The following DNAAF9 variants were observed in gnomAD, a reference collection of about 807,000 sequenced individuals.
DNAAF9 encodes shulin.
DNAAF9 carries 90 observed loss-of-function variants against 167.0 expected under a neutral mutation model. The ratio of observed to expected loss-of-function variants is 0.54; its 90% CI spans 0.45 to 0.64. DNAAF9 has a LOEUF of 0.64. Among genes scored for constraint, DNAAF9 ranks in the 30% least tolerant of loss-of-function variants. The pLI is 0.00. For missense variants in DNAAF9, 1,315 were observed against 1,442.2 expected (o/e 0.91, Z 1.43); for synonymous variants, 491 against 508.8 (o/e 0.96, Z 0.47).
chr20:3,252,742 G>A (rs1353048719), intron 36 of DNAAF9, 58 bp from the exon 37 acceptor site: 1 of 1,013,858 alleles, frequency 9.9e-7, no homozygotes, highest in Non-Finnish European at 1.6e-6. Context: ...GGCTGCCTGA[G>A]CCCAGAGCGG....
intron 35 of DNAAF9, among the ~76,000 whole-genome samples, chr20:3,254,357 G>A (rs1245012636): frequency 1.3e-5 from 2 of 152,142 alleles, no homozygotes; most frequent in African/African-American, 4.8e-5. Context: ...GGGATTACAG[G>A]CGTGAGCCAC....
At chr20:3,395,949 T>C (rs1003785443) in intron 1 of DNAAF9, among the ~76,000 whole-genome samples, 1 of 152,288 alleles carries the variant, frequency 6.6e-6, no homozygotes, top group South Asian at 2.1e-4. Flanking sequence ...TAGGAGGTAA[T>C]TGAATCATGG....
chr20:3,343,175 A>T (rs983508514), intron 9 of DNAAF9, among the ~76,000 whole-genome samples: 3 of 152,084 alleles, frequency 2.0e-5, no homozygotes, highest in Non-Finnish European at 4.4e-5. Flanking sequence ...TTATTTATTT[A>T]TTTAGAAACA....
chr20:3,330,464 A>T (rs2069804088), intron 12 of DNAAF9, among the ~76,000 whole-genome samples, 182 bp downstream of exon 12: 1 of 151,368 alleles, frequency 6.6e-6, no homozygotes, highest in Non-Finnish European at 1.5e-5. Flanking sequence ...CTGGTCTCGA[A>T]TTCCTGGTCT....
At chr20:3,406,087 T>C (rs2084050832) in intron 1 of DNAAF9, among the ~76,000 whole-genome samples, 1 of 152,212 alleles carries the variant, frequency 6.6e-6, no homozygotes. Context: ...CAATGTTTCA[T>C]TGGTATCTAC....
At chr20:3,299,128 C>T (rs929376494) in intron 21 of DNAAF9, among the ~76,000 whole-genome samples, 1 of 151,816 alleles carries the variant, frequency 6.6e-6, no homozygotes, top group African/African-American at 2.4e-5. Flanking sequence ...AGGCTGGTCT[C>T]GAACTCCCGA....
At chr20:3,397,247 C>CA (rs563829447) in intron 1 of DNAAF9, among the ~76,000 whole-genome samples, 9,388 of 119,864 alleles carry the variant, frequency 0.078, 334 homozygotes, top group Admixed American at 0.12. Flanking sequence ...GACCCCGTAT[C>CA]AAAAAAAAAA....
intron 6 of DNAAF9, among the ~76,000 whole-genome samples, chr20:3,368,769 C>T (rs2083467513): frequency 6.6e-6 from 1 of 152,094 alleles, no homozygotes; most frequent in Admixed American, 6.5e-5. Context: ...CCCTCCGCCT[C>T]GGCCTCCCAA....
chr20:3,362,781 C>T (rs1327674627), intron 6 of DNAAF9, among the ~76,000 whole-genome samples: 1 of 152,164 alleles, frequency 6.6e-6, no homozygotes, highest in Non-Finnish European at 1.5e-5. Context: ...TTCAAATTCC[C>T]TTTCTTCTTC....
At chr20:3,292,575 T>G (rs2068980069) in intron 25 of DNAAF9, among the ~76,000 whole-genome samples, 1 of 151,212 alleles carries the variant, frequency 6.6e-6, no homozygotes. Flanking sequence ...AAGACCAGCC[T>G]GGCAACATGG....
rs1007069453 is a variant in DNAAF9, at chr20:3,407,535, C to A, written c.23G>T (p.Arg8Leu). 2.1e-5 allele frequency: 27 copies of A among 1,258,656 alleles called. No individual in the cohort carries two copies. The highest frequency in any genetic ancestry group is 3.0e-4 in the Middle Eastern group (1 of 3,288). 78.0% of individuals were successfully genotyped at this position (1,258,656 alleles called of 1,614,324 possible). Residue 8 changes from arginine (R) to leucine (L), a missense_variant, in exon 1 of 37, where the codon CGG (arginine) becomes CTG (leucine). Coordinates refer to ENST00000252032, the MANE Select transcript of DNAAF9 (RefSeq NM_001009984.3). MDVYPPRRQGLPRARSPG... is the reference protein window; with the variant it reads MDVYPPRLQGLPRARSPG... ...GGACCGAGCGCGGGGCAGCCCCTGC[C>A]GGCGCGGGGGGTACACGTCCATGGC... is the stretch of plus-strand genomic sequence containing the variant.
chr20:3,273,067 G>A (rs934105725), intron 29 of DNAAF9, among the ~76,000 whole-genome samples: 2 of 152,092 alleles, frequency 1.3e-5, no homozygotes, highest in Admixed American at 6.6e-5. Context: ...CTGACCTCAG[G>A]TGATCCACCC....
In DNAAF9 at chr20:3,407,476, T is replaced by C; in HGVS notation, c.82A>G (p.Ser28Gly). Reference protein sequence around the residue: ...GGSSRGSPSVSCSRLRQVQSI... With the variant: ...GGSSRGSPSVGCSRLRQVQSI... ...CTCGGCTGCCTCTGCCCCGCGTACC[T>C]GACGGAGGGTGACCCGCGGCTGGAG... The change falls in exon 1 of 37, where the codon AGC becomes GGC. Residue 28 changes from serine (S) to glycine (G), a missense_variant and splice_region_variant. Around this residue, in one of 2 missense-constraint regions of DNAAF9, gnomAD observed 981 missense variants for 1,012.5 expected, o/e 0.97. Coordinates refer to ENST00000252032, the MANE Select transcript of DNAAF9 (RefSeq NM_001009984.3). 7.6e-7 allele frequency: 1 copy of C among 1,308,128 alleles called. No homozygotes were observed. The allele number at this position is 1,308,128 out of a possible 1,614,324, so 81.0% of individuals were successfully genotyped here.
intron 4 of DNAAF9, among the ~76,000 whole-genome samples, chr20:3,375,330 C>G (rs757726551): frequency 2.0e-5 from 3 of 152,122 alleles, no homozygotes; most frequent in Non-Finnish European, 2.9e-5. Flanking sequence ...ACCCAAAAAT[C>G]AACTGAAATG....
intron 27 of DNAAF9, among the ~76,000 whole-genome samples, chr20:3,286,260 C>T (rs1451020866): frequency 6.6e-6 from 1 of 152,176 alleles, no homozygotes; most frequent in African/African-American, 2.4e-5. Flanking sequence ...TGTGATGGGA[C>T]AAAGGCTGGG....
At chr20:3,278,713 C>T (rs889553925) in intron 29 of DNAAF9, among the ~76,000 whole-genome samples, 199 bp downstream of exon 29, 1 of 151,412 alleles carries the variant, frequency 6.6e-6, no homozygotes, top group African/African-American at 2.4e-5. Flanking sequence ...AGTAAGACTC[C>T]GTCTCAAAAA....
At chr20:3,403,913 C>T (rs747601509) in intron 1 of DNAAF9, among the ~76,000 whole-genome samples, 2 of 152,044 alleles carry the variant, frequency 1.3e-5, no homozygotes, top group Admixed American at 6.5e-5. Context: ...CTCAGCCTTC[C>T]GAGTAGCTGA....
In DNAAF9 at chr20:3,284,430, C is replaced by T. The variant is rs138746142; in HGVS notation, c.2487-2664G>A. 4.8e-3 allele frequency among the ~76,000 whole-genome samples: 734 copies of T among 152,256 alleles called. 2 individuals are homozygous for T. Among genetic ancestry groups the T allele is most frequent in the Middle Eastern group, 6.8e-3 (2 of 294 alleles). ...CTCCTGAGCTCAAGTGATTCACCCA[C>T]CTTGGCCTCCCAAAGTGCTGGGATT... On this transcript the variant is annotated intron_variant, in intron 27 of 36. Coordinates refer to ENST00000252032, the MANE Select transcript of DNAAF9 (RefSeq NM_001009984.3).
intron 33 of DNAAF9, among the ~76,000 whole-genome samples, chr20:3,258,761 C>A (rs544172359): frequency 7.9e-5 from 12 of 152,226 alleles, no homozygotes; most frequent in African/African-American, 2.9e-4. Flanking sequence ...TGTTATACAG[C>A]CAACACCTGC....
Sources: gnomAD v4.1 joint callset for allele counts (sites outside exome capture counted in the v4.1 genomes callset) on GRCh38, gnomAD v4.1.1 for gene constraint, gnomAD v4.1.1 regional missense constraint, MANE v1.5 for transcripts, NCBI Gene and HGNC (gene_info 2026-07-23, HGNC 2026-07-21) for gene names.